Variants in SPAG6 observed in about 807,000 individuals in gnomAD.
The protein encoded by SPAG6 is sperm-associated antigen 6.
In SPAG6, 49 loss-of-function variants were observed where a neutral mutation model predicts 58.5. The observed-to-expected ratio is 0.84, with a 90% confidence interval of 0.67 to 1.06. The LOEUF (loss-of-function observed/expected upper bound fraction) is 1.06. Ranked by LOEUF, SPAG6 falls within the 50% of genes least tolerant of loss-of-function variation. The pLI is 0.00. For missense variants in SPAG6, 560 were observed against 611.3 expected, an observed-to-expected ratio of 0.92 and a Z score of 0.89; for synonymous variants, 233 against 225.6, an observed-to-expected ratio of 1.03 and a Z score of -0.29.
chr10:22,365,037 C>A lies in SPAG6; in HGVS notation c.288+18C>A, dbSNP rs201773340. The A allele has an allele frequency of 4.5e-6, 7 of 1,555,750 alleles. No homozygotes were observed. The highest frequency in any genetic ancestry group is 4.1e-5 in the African/African-American group (3 of 72,368). ...AACAGAATGTAAGAATTAAAAAAAACTAGTTATATGTTTTTTTGTTTTAGA... is the reference window on the plus strand; with the variant it reads ...AACAGAATGTAAGAATTAAAAAAAAATAGTTATATGTTTTTTTGTTTTAGA... On this transcript the variant is annotated intron_variant, in intron 3 of 10. Coordinates refer to ENST00000376624, the MANE Select transcript of SPAG6 (RefSeq NM_012443.4).
chr10:22,381,904 T>G (rs1335837764), intron 4 of SPAG6, among the ~76,000 whole-genome samples: 1 of 152,242 alleles, frequency 6.6e-6, no homozygotes, highest in Non-Finnish European at 1.5e-5. Context: ...TTGATTATTC[T>G]AAGTTGAAGA....
chr10:22,399,187 A>T (rs956912202), intron 8 of SPAG6, among the ~76,000 whole-genome samples: 1 of 152,200 alleles, frequency 6.6e-6, no homozygotes, highest in Non-Finnish European at 1.5e-5. Context: ...CATTTTAGGT[A>T]TACAATTTAA....
At chr10:22,397,696 A>T (rs1402841358) in intron 8 of SPAG6, among the ~76,000 whole-genome samples, 1 of 152,226 alleles carries the variant, frequency 6.6e-6, no homozygotes, top group Non-Finnish European at 1.5e-5. Flanking sequence ...TAATAACATC[A>T]AGCATTAAAT....
chr10:22,406,031 T>C (rs1485836110), intron 9 of SPAG6, among the ~76,000 whole-genome samples: 1 of 152,146 alleles, frequency 6.6e-6, no homozygotes, highest in East Asian at 1.9e-4. Flanking sequence ...TCTCTCTTTT[T>C]TTCTTTATTA....
intron 4 of SPAG6, among the ~76,000 whole-genome samples, chr10:22,378,687 A>G (rs1833880763): frequency 6.6e-6 from 1 of 152,078 alleles, no homozygotes; most frequent in African/African-American, 2.4e-5. Flanking sequence ...TGGGGATGGG[A>G]GCTAAAATGA....
intron 9 of SPAG6, among the ~76,000 whole-genome samples, chr10:22,402,856 G>C (rs1039561583): frequency 2.0e-5 from 3 of 152,184 alleles, no homozygotes; most frequent in Non-Finnish European, 4.4e-5. Context: ...GTAAGGGGCT[G>C]AGTAGATCAT....
intron 2 of SPAG6, among the ~76,000 whole-genome samples, chr10:22,359,151 C>A (rs7893132): frequency 6.6e-6 from 1 of 152,096 alleles, no homozygotes; most frequent in African/African-American, 2.4e-5. Context: ...TATTGGACCC[C>A]AGAAAGAATG....
intron 7 of SPAG6, among the ~76,000 whole-genome samples, chr10:22,389,880 A>G (rs968419385): frequency 6.6e-6 from 1 of 152,182 alleles, no homozygotes; most frequent in African/African-American, 2.4e-5. Context: ...ACAATTTTGT[A>G]AGAACCCCTC....
At chr10:22,351,101 A>C (rs1459156087) in intron 2 of SPAG6, among the ~76,000 whole-genome samples, 1 of 152,178 alleles carries the variant, frequency 6.6e-6, no homozygotes, top group Admixed American at 6.5e-5. Flanking sequence ...TCCTGTCTTT[A>C]GGTATTTGAG....
In SPAG6 at chr10:22,346,479, TTCTTCTTCTTCTTCTTCTTTC is replaced by T. The variant is rs1481610250; in HGVS notation, c.121+663_121+683del. On this transcript the variant is annotated intron_variant, in intron 2 of 10. Coordinates refer to ENST00000376624, the MANE Select transcript of SPAG6 (RefSeq NM_012443.4). ...CTTCTTCTTCTTCTTCTTCTTCTTC[TTCTTCTTCTTCTTCTTCTTTC>T]TTCTTCTTCTTCCTCTTCTTCTTCT... Among the ~76,000 whole-genome samples, 17 of 141,594 alleles carry T rather than the reference TTCTTCTTCTTCTTCTTCTTTC, an allele frequency of 1.2e-4. 1 individual carries two copies. The highest frequency in any genetic ancestry group is 5.3e-4 in the African/African-American group (17 of 32,238). The allele number at this position is 141,594 out of a possible 152,430, so 92.9% of individuals were successfully genotyped here. A position where few individuals can be genotyped will look rare whatever the true frequency, so the allele number is the denominator to read the frequency against.
rs552418232 is a variant in SPAG6, at chr10:22,416,831, A to T, written c.*143A>T. 1 of 520,244 alleles carries T rather than the reference A, an allele frequency of 1.9e-6. No individual in the cohort carries two copies. Among genetic ancestry groups the T allele is most frequent in the Non-Finnish European group, 3.5e-6 (1 of 287,822 alleles). 32.2% of individuals were successfully genotyped at this position (520,244 alleles called of 1,614,324 possible). On this transcript the variant is annotated 3_prime_UTR_variant, in exon 11 of 11. Transcript: ENST00000376624. Reference sequence around the variant, plus strand: ...TAGATAATATTTTCTAAATTTATGTAATACTTTAAACATTCGTAGCTTGAA... The same window carrying T: ...TAGATAATATTTTCTAAATTTATGTTATACTTTAAACATTCGTAGCTTGAA...
At chr10:22,416,550 A>G (rs1834868444) in intron 10 of SPAG6, 69 bp from the exon 11 acceptor site, 2 of 884,730 alleles carry the variant, frequency 2.3e-6, no homozygotes, top group South Asian at 1.4e-5. Context: ...TAAATCCCCT[A>G]TATTGAATCT....
intron 8 of SPAG6, among the ~76,000 whole-genome samples, chr10:22,400,635 C>A (rs994200715): frequency 6.6e-6 from 1 of 151,862 alleles, no homozygotes; most frequent in Non-Finnish European, 1.5e-5. Context: ...GAAATGTCTA[C>A]CTACGAGCTA....
intron 2 of SPAG6, among the ~76,000 whole-genome samples, chr10:22,348,283 C>T (rs1161678144): frequency 2.6e-5 from 4 of 152,154 alleles, no homozygotes; most frequent in Admixed American, 2.6e-4. Flanking sequence ...AGTTTTCTTT[C>T]TTAATAGTCA....
chr10:22,406,169 C>G (rs1019068203), intron 9 of SPAG6, among the ~76,000 whole-genome samples: 2 of 152,090 alleles, frequency 1.3e-5, no homozygotes, highest in Non-Finnish European at 2.9e-5. Context: ...TTATTTCTTG[C>G]CTTCTGCTAG....
chr10:22,407,871 G>A (rs984773367), intron 9 of SPAG6, among the ~76,000 whole-genome samples: 62 of 151,022 alleles, frequency 4.1e-4, no homozygotes, highest in South Asian at 1.7e-3. Flanking sequence ...TTCCTTTCTC[G>A]CTTCATTTCA....
chr10:22,415,256 T>C (rs924790233), intron 10 of SPAG6, among the ~76,000 whole-genome samples: 7 of 150,416 alleles, frequency 4.7e-5, no homozygotes, highest in Admixed American at 3.3e-4. Context: ...ATATGGTAAA[T>C]TAAATATTTA....
At chr10:22,363,039 A>T (rs1837087386) in intron 2 of SPAG6, among the ~76,000 whole-genome samples, 1 of 152,194 alleles carries the variant, frequency 6.6e-6, no homozygotes. Context: ...AATGATGGGA[A>T]TGTAAAATGG....
intron 9 of SPAG6, among the ~76,000 whole-genome samples, chr10:22,406,366 T>C (rs1834555118): frequency 6.6e-6 from 1 of 152,218 alleles, no homozygotes; most frequent in Admixed American, 6.5e-5. Flanking sequence ...TCAAAGAACA[T>C]CTTTATTTCT....
Sources: allele counts gnomAD v4.1 joint callset (sites outside exome capture counted in the v4.1 genomes callset), GRCh38; gene constraint gnomAD v4.1.1; transcripts MANE v1.5; gene names NCBI Gene and HGNC (gene_info 2026-07-23, HGNC 2026-07-21).